The following SPATA7 variants were observed in gnomAD, a reference collection of about 807,000 sequenced individuals.
The protein encoded by SPATA7 is spermatogenesis associated 7.
A neutral mutation model predicts 51.8 loss-of-function variants in SPATA7; 43 were observed. The observed-to-expected ratio is 0.83, with a 90% CI of 0.65 to 1.07. SPATA7 has a LOEUF of 1.07. Ranked by LOEUF, SPATA7 falls within the 50% of genes least tolerant of loss-of-function variation. The pLI is 0.00. For missense variants in SPATA7, 683 were observed against 701.3 expected, an observed-to-expected ratio of 0.97 and a Z score of 0.30; for synonymous variants, 230 against 252.8, an observed-to-expected ratio of 0.91 and a Z score of 0.86.
intron 4 of SPATA7, chr14:88,466,959 A>AGAAAC (rs1311814875): frequency 6.6e-6 from 1 of 152,232 alleles, no homozygotes; most frequent in Non-Finnish European, 1.5e-5. Flanking sequence ...TTTATGAAAA[A>AGAAAC]GAAACAATAC....
At chr14:88,437,195 G>C (rs999621239) in intron 10 of SPATA7, among the ~76,000 whole-genome samples, 7 of 151,190 alleles carry the variant, frequency 4.6e-5, no homozygotes, top group Admixed American at 4.6e-4. Flanking sequence ...TTTTTCTTTA[G>C]GGTTTGGTTG....
At chr14:88,430,262 T>A (rs945270931) in intron 8 of SPATA7, among the ~76,000 whole-genome samples, 33 of 152,190 alleles carry the variant, frequency 2.2e-4, no homozygotes, top group Non-Finnish European at 3.8e-4. Context: ...AGGCCTTTGC[T>A]AGGGAGATCT....
At chr14:88,387,000 A>G (rs2075598468) in intron 1 of SPATA7, among the ~76,000 whole-genome samples, 1 of 152,256 alleles carries the variant, frequency 6.6e-6, no homozygotes, top group Admixed American at 6.5e-5. Context: ...AACCCTTGCT[A>G]TGTACTAGGA....
chr14:88,457,044 G>C (rs531990045), downstream of SPATA7, among the ~76,000 whole-genome samples: 2 of 152,100 alleles, frequency 1.3e-5, no homozygotes, highest in African/African-American at 4.8e-5. Flanking sequence ...TAGATGTGTG[G>C]TATTATTTCT....
intron 4 of SPATA7, among the ~76,000 whole-genome samples, chr14:88,412,056 A>G (rs904821119): frequency 6.6e-6 from 1 of 152,156 alleles, no homozygotes; most frequent in Non-Finnish European, 1.5e-5. Flanking sequence ...AGTAATAGCC[A>G]TTCTGGCTGG....
chr14:88,429,359 T>C lies in SPATA7; in HGVS notation c.924T>C (p.Cys308=), dbSNP rs2076879515. The C allele has an allele frequency of 6.2e-7, 1 of 1,600,198 alleles. No individual in the cohort carries two copies. The highest frequency in any genetic ancestry group is 1.3e-5 in the African/African-American group (1 of 74,570). The change falls in exon 8 of 12, where the codon TGT becomes TGC. Residue 308 remains cysteine, a synonymous_variant. Transcript: ENST00000393545. The part of the protein sequence containing the change: ...SEMNIKQASN[C]VTYDAKEKIA... ...TATTGCATCCCCAGGCATCTAATTG[T>C]GTGACATATGATGCCAAAGAAAAAA...
intron 4 of SPATA7, among the ~76,000 whole-genome samples, chr14:88,401,123 A>G (rs542250901): frequency 4.6e-5 from 7 of 152,324 alleles, no homozygotes; most frequent in African/African-American, 9.6e-5. Flanking sequence ...ACTGAATTCA[A>G]TTGCATGTTA....
At chr14:88,447,983 G>T (rs1389609742) in intron 3 of SPATA7, among the ~76,000 whole-genome samples, 4 of 151,610 alleles carry the variant, frequency 2.6e-5, no homozygotes, top group Non-Finnish European at 4.4e-5. Flanking sequence ...TCTTCTCGAG[G>T]AGTATCTTTG....
chr14:88,399,082 A>G (rs1461529655), intron 4 of SPATA7, among the ~76,000 whole-genome samples: 1 of 152,106 alleles, frequency 6.6e-6, no homozygotes, highest in Non-Finnish European at 1.5e-5. Context: ...AAAAGTAAAT[A>G]TCAACCTAAG....
At chr14:88,445,910 G>T (rs1445551529) in intron 3 of SPATA7, among the ~76,000 whole-genome samples, 2 of 152,110 alleles carry the variant, frequency 1.3e-5, no homozygotes, top group African/African-American at 4.8e-5. Flanking sequence ...GAGGATTTTT[G>T]TATCAATGTT....
intron 4 of SPATA7, chr14:88,414,683 A>T: frequency 2.4e-6 from 1 of 411,442 alleles, no homozygotes; most frequent in South Asian, 1.8e-5. Context: ...GGTATTTAGC[A>T]CTGTAAACTT....
chr14:88,394,502 G>A (rs1333149571), intron 3 of SPATA7, among the ~76,000 whole-genome samples: 1 of 152,044 alleles, frequency 6.6e-6, no homozygotes, highest in Non-Finnish European at 1.5e-5. Context: ...CTTTTGTATT[G>A]TTAAGGAGTA....
At chr14:88,437,667 C>A in intron 11 of SPATA7, 70 bp downstream of exon 11, 11 of 1,408,718 alleles carry the variant, frequency 7.8e-6, no homozygotes, top group Non-Finnish European at 1.1e-5. Context: ...TTTTTCATAC[C>A]TTCAAACAAT....
intron 4 of SPATA7, among the ~76,000 whole-genome samples, chr14:88,464,348 TG>T (rs554769378): frequency 6.6e-6 from 1 of 152,148 alleles, no homozygotes; most frequent in Non-Finnish European, 1.5e-5. Flanking sequence ...AAGTTTAAAC[TG>T]GAAAGGGATA....
chr14:88,405,180 A>G lies in SPATA7; in HGVS notation c.238+8977A>G, dbSNP rs943562955. ...AATGGTGTCATGATTGGTGTTTTCA[A>G]AAAACAGCAAGGAGGGCTGTGTAGC... On this transcript the variant is annotated intron_variant, in intron 4 of 11. Transcript: ENST00000393545. 2.0e-5 allele frequency among the ~76,000 whole-genome samples: 3 copies of G among 152,188 alleles called. No individual in the cohort carries two copies. The East Asian group carries it at 5.8e-4, about 29-fold the overall frequency.
In SPATA7 at chr14:88,467,904, G is replaced by C. The variant is rs2077390192; in HGVS notation, c.255-1943G>C. The stretch of plus-strand genomic sequence containing the variant: ...TGCAAACCGGACAGACCGGGGCAGG[G>C]CAAGGCCCTTGAAACCAAGTCCTCC... On this transcript the variant is annotated intron_variant, in intron 4 of 4. Coordinates refer to the SPATA7 transcript ENST00000556406. The C allele has an allele frequency of 5.0e-6, 3 of 602,274 alleles. No homozygotes were observed. In the Admixed American group the frequency reaches 8.5e-5, roughly 17 times the overall value. The allele number at this position is 602,274 out of a possible 1,614,324, so 37.3% of individuals were successfully genotyped here. A position where few individuals can be genotyped will look rare whatever the true frequency, so the allele number is the denominator to read the frequency against.
At chr14:88,461,462 T>TG (rs2077317135) in intron 4 of SPATA7, among the ~76,000 whole-genome samples, 1 of 152,152 alleles carries the variant, frequency 6.6e-6, no homozygotes. Context: ...CTCAGACCGC[T>TG]GTGCTAGCAG....
In SPATA7 at chr14:88,416,815, T is replaced by A. The variant is rs373779457; in HGVS notation, c.343T>A (p.Ser115Thr). 73 of 1,603,580 alleles carry A rather than the reference T, an allele frequency of 4.6e-5. No individual in the cohort carries two copies. The highest frequency in any genetic ancestry group is 1.7e-4 in the Middle Eastern group (1 of 6,054). ...TAMRANYKNN[S>T]KSLFNTLQKP... The stretch of plus-strand genomic sequence containing the variant: ...AATGCGAGCCAATTATAAAAATAAT[T>A]CCAAGTCACTTTTTAATACCTTACA... Residue 115 changes from serine (S) to threonine (T), a missense_variant, in exon 5 of 12, where the codon TCC becomes ACC. Physicochemically the swap from Ser to Thr is moderately conservative, Grantham distance 58. Coordinates refer to ENST00000393545, the MANE Select transcript of SPATA7 (RefSeq NM_018418.5).
intron 4 of SPATA7, among the ~76,000 whole-genome samples, chr14:88,411,770 G>C (rs941943044): frequency 6.6e-6 from 1 of 152,138 alleles, no homozygotes; most frequent in Admixed American, 6.5e-5. Context: ...TGGACACCCA[G>C]GTTGGTTCCA....
Sources: allele counts gnomAD v4.1 joint callset (sites outside exome capture counted in the v4.1 genomes callset), GRCh38; gene constraint gnomAD v4.1.1; transcripts MANE v1.5; gene names NCBI Gene and HGNC (gene_info 2026-07-23, HGNC 2026-07-21).